The following DOCK4 variants were observed in gnomAD, a reference collection of about 807,000 sequenced individuals.
The protein encoded by DOCK4 is dedicator of cytokinesis 4.
DOCK4 carries 97 observed loss-of-function variants against 268.1 expected under a neutral mutation model. That is an observed-to-expected ratio of 0.36 (90% CI 0.31 to 0.43). The LOEUF is 0.43. Ranked by LOEUF, DOCK4 falls within the 20% of genes least tolerant of loss-of-function variation. The probability of loss-of-function intolerance (pLI) is 1.00; values close to 1 mark genes in which losing one functional copy is unlikely to be tolerated. For missense variants in DOCK4, 2,145 were observed against 2,455.7 expected (o/e 0.87, Z 2.67); for synonymous variants, 954 against 887.2 (o/e 1.08, Z -1.34).
At chr7:112,005,077 A>G (rs1040337540) in intron 1 of DOCK4, among the ~76,000 whole-genome samples, 1 of 152,232 alleles carries the variant, frequency 6.6e-6, no homozygotes, top group East Asian at 1.9e-4. Context: ...GACAGCTCCT[A>G]TGAAATACTA....
At chr7:112,115,726 G>A (rs780895660) in intron 1 of DOCK4, among the ~76,000 whole-genome samples, 2 of 151,922 alleles carry the variant, frequency 1.3e-5, no homozygotes, top group Non-Finnish European at 2.9e-5. Flanking sequence ...TTTTTGCCCA[G>A]GCTGGAGTGC....
At chr7:112,160,823 T>C (rs780064016) in intron 1 of DOCK4, among the ~76,000 whole-genome samples, 14 of 152,226 alleles carry the variant, frequency 9.2e-5, no homozygotes, top group Non-Finnish European at 1.9e-4. Context: ...ATCGCGGCAT[T>C]CATCAGTTTA....
chr7:111,815,115 T>C (rs1801442856), intron 27 of DOCK4, among the ~76,000 whole-genome samples: 1 of 152,182 alleles, frequency 6.6e-6, no homozygotes, highest in South Asian at 2.1e-4. Context: ...ATATAAAAAA[T>C]ACTTTTAATT....
intron 32 of DOCK4, 43 bp downstream of exon 32, chr7:111,788,619 A>G (rs1349174960): frequency 6.6e-7 from 1 of 1,514,268 alleles, no homozygotes; most frequent in South Asian, 1.2e-5. Flanking sequence ...CTGACACCAA[A>G]TCCCCCAGAA....
At chr7:111,763,091 G>A (rs1334149502) in intron 39 of DOCK4, among the ~76,000 whole-genome samples, 1 of 151,180 alleles carries the variant, frequency 6.6e-6, no homozygotes, top group African/African-American at 2.5e-5. Context: ...TTCATGAGGG[G>A]AAAAATCCCT....
chr7:112,015,668 T>C (rs1195670695), intron 1 of DOCK4, among the ~76,000 whole-genome samples: 1 of 152,178 alleles, frequency 6.6e-6, no homozygotes, highest in Non-Finnish European at 1.5e-5. Flanking sequence ...TAAATAAATA[T>C]AGTACATTTA....
At chr7:111,935,147 T>C (rs914203084) in intron 12 of DOCK4, among the ~76,000 whole-genome samples, 3 of 151,380 alleles carry the variant, frequency 2.0e-5, no homozygotes, top group Admixed American at 6.6e-5. Flanking sequence ...GGGGTTTCAC[T>C]GTGTTGGCCA....
intron 1 of DOCK4, among the ~76,000 whole-genome samples, chr7:112,154,387 C>T (rs957419924): frequency 6.6e-6 from 1 of 152,184 alleles, no homozygotes; most frequent in African/African-American, 2.4e-5. Flanking sequence ...CTGCTGCTTT[C>T]ACAACTAAGA....
chr7:112,025,910 C>T (rs1563006304), intron 1 of DOCK4, among the ~76,000 whole-genome samples: 1 of 152,182 alleles, frequency 6.6e-6, no homozygotes, highest in Non-Finnish European at 1.5e-5. Context: ...GCTACTCCTA[C>T]ACAAGCATAC....
intron 26 of DOCK4, among the ~76,000 whole-genome samples, chr7:111,830,203 G>A (rs1034350416): frequency 8.5e-5 from 13 of 152,058 alleles, no homozygotes; most frequent in South Asian, 2.1e-4. Context: ...TGAGGTGGAC[G>A]GATCACAAGG....
intron 12 of DOCK4, among the ~76,000 whole-genome samples, chr7:111,932,358 A>G (rs1173263020): frequency 2.0e-5 from 3 of 152,192 alleles, no homozygotes; most frequent in African/African-American, 7.2e-5. Context: ...TTGTTTATCC[A>G]TACTGAGGGC....
At chr7:112,051,428 T>A (rs148938097) in intron 1 of DOCK4, among the ~76,000 whole-genome samples, 2 of 152,206 alleles carry the variant, frequency 1.3e-5, no homozygotes, top group Admixed American at 6.6e-5. Context: ...AAAATTATAA[T>A]GATACTAAAT....
chr7:111,856,062 G>A (rs574076757), intron 23 of DOCK4, among the ~76,000 whole-genome samples: 1 of 152,264 alleles, frequency 6.6e-6, no homozygotes, highest in Non-Finnish European at 1.5e-5. Context: ...TGAGCACGGG[G>A]AGACAGCAAT....
chr7:111,755,385 T>G, intron 42 of DOCK4, 130 bp downstream of exon 42: 2 of 826,760 alleles, frequency 2.4e-6, no homozygotes, highest in Non-Finnish European at 4.0e-6. Context: ...GTCAAGACCA[T>G]AAACATTCAC....
intron 1 of DOCK4, among the ~76,000 whole-genome samples, chr7:112,066,497 CCTCT>C (rs750323799): frequency 2.2e-4 from 29 of 129,960 alleles, no homozygotes; most frequent in Admixed American, 1.1e-3. Flanking sequence ...TCTCTCTCTC[CCTCT>C]CTCTCTCTCT....
chr7:111,733,965 T>C (rs1423226895), intron 51 of DOCK4, among the ~76,000 whole-genome samples: 1 of 152,206 alleles, frequency 6.6e-6, no homozygotes, highest in East Asian at 1.9e-4. Context: ...TGTGGCAAGG[T>C]CTCACTTTGT....
chr7:111,799,793 C>T (rs1379670834), intron 30 of DOCK4, among the ~76,000 whole-genome samples: 2 of 152,118 alleles, frequency 1.3e-5, no homozygotes, highest in South Asian at 2.1e-4. Context: ...CATGGGATTG[C>T]ATTTGTAACT....
At chr7:111,985,268 C>T (rs1406751840) in intron 6 of DOCK4, among the ~76,000 whole-genome samples, 5 of 152,138 alleles carry the variant, frequency 3.3e-5, no homozygotes, top group East Asian at 1.9e-4. Context: ...GGCTACACAA[C>T]GCCTGTGTAA....
chr7:112,135,495 T>C (rs1033655639), intron 1 of DOCK4, among the ~76,000 whole-genome samples: 1 of 152,140 alleles, frequency 6.6e-6, no homozygotes, highest in African/African-American at 2.4e-5. Context: ...GTCTAACTTA[T>C]TTATTAAATT....
Sources: gnomAD v4.1 joint callset for allele counts (sites outside exome capture counted in the v4.1 genomes callset) on GRCh38, gnomAD v4.1.1 for gene constraint, MANE v1.5 for transcripts, NCBI Gene and HGNC (gene_info 2026-07-23, HGNC 2026-07-21) for gene names.